The following EXD3 variants were observed in gnomAD, a reference collection of about 807,000 sequenced individuals.
EXD3 encodes the protein exonuclease mut-7 homolog.
EXD3 carries 92 observed loss-of-function variants against 98.0 expected under a neutral mutation model. The ratio of observed to expected loss-of-function variants is 0.94; its 90% CI spans 0.79 to 1.12. The LOEUF (loss-of-function observed/expected upper bound fraction) is 1.12. Among genes scored for constraint, EXD3 ranks in the 50% most tolerant of loss-of-function variants. The probability of loss-of-function intolerance (pLI) is 0.00; values close to 1 mark genes in which losing one functional copy is unlikely to be tolerated. For missense variants in EXD3, 1,222 were observed against 1,191.6 expected, an observed-to-expected ratio of 1.03 and a Z score of -0.38; for synonymous variants, 569 against 526.0, an observed-to-expected ratio of 1.08 and a Z score of -1.12.
rs1836544667 is a variant in EXD3, at chr9:137,385,519, G to A, written c.56-2142C>T. Reference sequence around the variant, plus strand: ...GTTGCACTTCACAATAAACAAAAGAGACTTTTATTTTGTTATTTAAGTTAA... The same window carrying A: ...GTTGCACTTCACAATAAACAAAAGAAACTTTTATTTTGTTATTTAAGTTAA... On this transcript the variant is annotated intron_variant, in intron 2 of 21. Coordinates refer to ENST00000340951, the MANE Select transcript of EXD3 (RefSeq NM_017820.5). This position sits in a 1 kb window ranked among gnomAD's most constrained non-coding sequence, Gnocchi z 4.4. Among the ~76,000 whole-genome samples, 1 of 152,264 alleles carries A rather than the reference G, an allele frequency of 6.6e-6. No homozygotes were observed. The highest frequency in any genetic ancestry group is 2.1e-4 in the South Asian group (1 of 4,780).
At chr9:137,316,087 GC>G (rs372315878) in intron 19 of EXD3, among the ~76,000 whole-genome samples, 92,231 of 148,162 alleles carry the variant, frequency 0.62, 29,366 homozygotes, top group East Asian at 0.94. Flanking sequence ...CCCTCCCCCG[GC>G]CCCCCCCAGC....
intron 1 of EXD3, among the ~76,000 whole-genome samples, chr9:137,397,433 T>C (rs1837270588): frequency 6.6e-6 from 1 of 152,044 alleles, no homozygotes; most frequent in South Asian, 2.1e-4. Context: ...CGAAAAACAA[T>C]GCTCTTCAGA....
intron 17 of EXD3, among the ~76,000 whole-genome samples, chr9:137,325,156 C>T (rs1832323667): frequency 6.6e-6 from 1 of 152,172 alleles, no homozygotes; most frequent in African/African-American, 2.4e-5. Context: ...GTGCCCTGTA[C>T]CCAAAACTGG....
At chr9:137,354,999 G>A (rs148894229) in intron 8 of EXD3, among the ~76,000 whole-genome samples, 60 of 152,278 alleles carry the variant, frequency 3.9e-4, no homozygotes, top group Middle Eastern at 6.8e-3. Context: ...CTTGTGTGGC[G>A]GGCCCTTTCG....
intron 5 of EXD3, among the ~76,000 whole-genome samples, chr9:137,369,741 C>T (rs1341883018): frequency 1.3e-5 from 2 of 152,224 alleles, no homozygotes; most frequent in African/African-American, 2.4e-5. Flanking sequence ...GGGTACTGGC[C>T]GTGCTCCCCA....
rs539051144 is a variant in EXD3, at chr9:137,317,117, C to T, written c.2184+6608G>A. On this transcript the variant is annotated intron_variant, in intron 19 of 21. Transcript: ENST00000340951. Reference sequence around the variant, plus strand: ...GTGGGAAGGAAAGGGTCAGGAGACCCCAGCCGGCCTGTGAGGAGGCTGAGG... The same window carrying T: ...GTGGGAAGGAAAGGGTCAGGAGACCTCAGCCGGCCTGTGAGGAGGCTGAGG... 1.1e-3 allele frequency among the ~76,000 whole-genome samples: 162 copies of T among 152,236 alleles called. 1 individual carries two copies. Among genetic ancestry groups the T allele is most frequent in the Non-Finnish European group, 1.9e-3 (127 of 67,984 alleles).
intron 4 of EXD3, among the ~76,000 whole-genome samples, 159 bp from the exon 5 acceptor site, chr9:137,373,231 G>A (rs116150455): frequency 0.033 from 5,014 of 152,324 alleles, 283 homozygotes; most frequent in African/African-American, 0.11. Context: ...GGGCGAGGCC[G>A]GTCTCAGCAC....
chr9:137,409,277 A>G (rs1564217654), intron 1 of EXD3, among the ~76,000 whole-genome samples: 1 of 152,240 alleles, frequency 6.6e-6, no homozygotes, highest in Non-Finnish European at 1.5e-5. Flanking sequence ...GAGTCCCACC[A>G]GCATGAATAC....
At chr9:137,335,788 G>A (rs1290467567) in intron 17 of EXD3, among the ~76,000 whole-genome samples, 3 of 152,150 alleles carry the variant, frequency 2.0e-5, no homozygotes, top group African/African-American at 7.2e-5. Flanking sequence ...TCCCACTACT[G>A]AGTATCTACC....
In EXD3 at chr9:137,351,339, C is replaced by T. The variant is rs761540359; in HGVS notation, c.1363G>A (p.Asp455Asn). ...TCACCCAGCTTGGTGATAGAGGGGT[C>T]CGAGAGGAGCTGGGCCACCAGCCGG... Reference protein sequence around the residue: ...FSRLVAQLLSDPSITKLGYGM... With the variant: ...FSRLVAQLLSNPSITKLGYGM... Residue 455 changes from aspartate (D) to asparagine (N), a missense_variant, in exon 13 of 22, where the codon GAC becomes AAC. Coordinates refer to ENST00000340951, the MANE Select transcript of EXD3 (RefSeq NM_017820.5). 1 of 1,611,778 alleles carries T rather than the reference C, an allele frequency of 6.2e-7. No individual in the cohort carries two copies. Among genetic ancestry groups the T allele is most frequent in the Non-Finnish European group, 8.5e-7 (1 of 1,179,580 alleles).
At chr9:137,307,564 G>T (rs777029048) in intron 21 of EXD3, 44 bp downstream of exon 21, 6 of 1,602,674 alleles carry the variant, frequency 3.7e-6, no homozygotes, top group East Asian at 4.5e-5. Flanking sequence ...CACCAGGGCC[G>T]CAGAGAAGCA....
At position 137,334,969 on chromosome 9, in the gene EXD3, C is replaced by T. The variant is rs1021111293; in HGVS notation, c.1999-10826G>A. 4.6e-5 allele frequency among the ~76,000 whole-genome samples: 7 copies of T among 151,492 alleles called. No individual in the cohort carries two copies. The East Asian group carries it at 7.8e-4, about 17-fold the overall frequency. ...GCAGGCGCCTGTAGTCCCAGCTACT[C>T]GGGAGGCTGAGGCAGGAGAATCACT... is the stretch of plus-strand genomic sequence containing the variant. On this transcript the variant is annotated intron_variant, in intron 17 of 21. Transcript: ENST00000340951.
chr9:137,369,698 G>A (rs61392248), intron 5 of EXD3, among the ~76,000 whole-genome samples: 1,818 of 152,316 alleles, frequency 0.012, 37 homozygotes, highest in African/African-American at 0.042. Context: ...CAAGAAGGCC[G>A]CCTCAGGCTT....
In EXD3 at chr9:137,354,754, G is replaced by A; in HGVS notation, c.777C>T (p.Ala259=). 3 of 1,610,340 alleles carry A rather than the reference G, an allele frequency of 1.9e-6. No homozygotes were observed. The highest frequency in any genetic ancestry group is 1.7e-6 in the Non-Finnish European group (2 of 1,179,594). ...GCAGGGCCGCCAGGCGCTGCTGAAT[G>A]GCCGCGTTGGGACACAGCGCTGAAA... The part of the protein sequence containing the change: ...GVAPALCPNA[A]IQQRLAALRH... Residue 259 remains alanine, a synonymous_variant, in exon 9 of 22, where the codon GCC becomes GCT. Transcript: ENST00000340951.
At chr9:137,343,614 A>T (rs1279929439) in intron 17 of EXD3, 5 of 43,862 alleles carry the variant, frequency 1.1e-4, no homozygotes, top group East Asian at 1.0e-3. Context: ...TTTGAGACGG[A>T]GTCTCGCTCT....
chr9:137,402,072 G>A (rs1355983269), intron 1 of EXD3, among the ~76,000 whole-genome samples: 6 of 152,216 alleles, frequency 3.9e-5, no homozygotes, highest in African/African-American at 1.4e-4. Flanking sequence ...CTGGAGTGCA[G>A]TGGTGTGATC....
At chr9:137,351,279 C>A in intron 13 of EXD3, 39 bp downstream of exon 13, 1 of 1,583,568 alleles carries the variant, frequency 6.3e-7, no homozygotes, top group East Asian at 2.3e-5. Flanking sequence ...GGGCTGCTTT[C>A]TTTCTGGACT....
chr9:137,373,002 G>A lies in EXD3; in HGVS notation c.365C>T (p.Ala122Val), dbSNP rs368323331. The A allele has an allele frequency of 7.4e-5, 119 of 1,604,748 alleles. No individual in the cohort carries two copies. The highest frequency in any genetic ancestry group is 6.8e-4 in the South Asian group (62 of 90,930). ...KVLTESPPSLAAPLASIFQLQ... is the reference protein window; with the variant it reads ...KVLTESPPSLVAPLASIFQLQ... ...CTGGAAGATGCTGGCCAGTGGTGCC[G>A]CAAGGCTGGGGGGGCTCTCAGTGAG... Residue 122 changes from alanine to valine, a missense_variant, in exon 5 of 22, where the codon GCG becomes GTG. By Grantham distance (64) the Ala-to-Val change is moderately conservative. Transcript: ENST00000340951.
intron 1 of EXD3, among the ~76,000 whole-genome samples, chr9:137,408,245 T>C (rs1478111763): frequency 6.6e-6 from 1 of 151,998 alleles, no homozygotes; most frequent in Non-Finnish European, 1.5e-5. Context: ...AAGGGGCTTT[T>C]AAGAGGGCTT....
Sources: allele counts gnomAD v4.1 joint callset (sites outside exome capture counted in the v4.1 genomes callset), GRCh38; gene constraint gnomAD v4.1.1; non-coding constraint Gnocchi (gnomAD v3.1); transcripts MANE v1.5; gene names NCBI Gene and HGNC (gene_info 2026-07-23, HGNC 2026-07-21).